NRXN3: variants seen among roughly 807,000 people sequenced by gnomAD.
The protein encoded by NRXN3 is neurexin III.
Under a neutral mutation model 137.6 loss-of-function variants are expected in NRXN3, and 32 were observed. That is an observed-to-expected ratio of 0.23 (90% CI 0.18 to 0.31). The LOEUF (loss-of-function observed/expected upper bound fraction) is 0.31, where lower values mean the gene tolerates loss of function less well. Ranked by LOEUF, NRXN3 falls within the 10% of genes least tolerant of loss-of-function variation. The pLI is 1.00. For synonymous variants in NRXN3, 798 were observed against 784.5 expected (o/e 1.02, Z -0.29); for missense variants, 1,574 against 2,062.5 (o/e 0.76, Z 4.59).
intron 20 of NRXN3, among the ~76,000 whole-genome samples, chr14:79,835,139 C>T (rs757397824): frequency 6.6e-6 from 1 of 152,096 alleles, no homozygotes; most frequent in African/African-American, 2.4e-5. Context: ...CAAATAATAA[C>T]ATCTTGTATT....
At chr14:79,701,941 A>G (rs2098756247) in intron 19 of NRXN3, among the ~76,000 whole-genome samples, 1 of 152,090 alleles carries the variant, frequency 6.6e-6, no homozygotes, top group Admixed American at 6.6e-5. Context: ...CGTTTTAACC[A>G]TTATTATTAT....
At chr14:79,243,388 G>A (rs148110439) in intron 15 of NRXN3, among the ~76,000 whole-genome samples, 1 of 152,164 alleles carries the variant, frequency 6.6e-6, no homozygotes, top group East Asian at 1.9e-4. Context: ...ACCTGAGCAG[G>A]GTATTAACTA....
chr14:79,645,034 C>A (rs991586901), intron 16 of NRXN3, among the ~76,000 whole-genome samples: 1 of 135,948 alleles, frequency 7.4e-6, no homozygotes, highest in Non-Finnish European at 1.7e-5. Flanking sequence ...TCATAGCATG[C>A]ACATTGGACC....
intron 15 of NRXN3, among the ~76,000 whole-genome samples, chr14:79,332,277 C>A (rs1035730706): frequency 6.6e-5 from 10 of 152,202 alleles, no homozygotes; most frequent in Admixed American, 3.3e-4. Flanking sequence ...AGGCTTCTAA[C>A]TGGTTTGCCT....
chr14:79,652,394 T>C (rs969761988), intron 16 of NRXN3, among the ~76,000 whole-genome samples: 6 of 137,644 alleles, frequency 4.4e-5, no homozygotes, highest in African/African-American at 2.2e-4. Context: ...CACTATAAAC[T>C]CATGGATAAT....
intron 15 of NRXN3, among the ~76,000 whole-genome samples, chr14:79,155,434 C>T (rs1007898465): frequency 2.6e-5 from 4 of 151,838 alleles, no homozygotes; most frequent in African/African-American, 4.8e-5. Context: ...ATCCCTGTGA[C>T]ATATGAATAC....
At chr14:78,759,731 TG>T (rs1174833256) in intron 8 of NRXN3, among the ~76,000 whole-genome samples, 1 of 152,246 alleles carries the variant, frequency 6.6e-6, no homozygotes, top group African/African-American at 2.4e-5. Flanking sequence ...AAAAAATTCC[TG>T]GCTGAGGTGT....
intron 4 of NRXN3, among the ~76,000 whole-genome samples, chr14:78,600,669 G>A (rs1203120744): frequency 6.6e-6 from 1 of 152,090 alleles, no homozygotes; most frequent in Non-Finnish European, 1.5e-5. Context: ...TAATGTTAAT[G>A]AGCCTCAACT....
intron 15 of NRXN3, among the ~76,000 whole-genome samples, chr14:79,186,229 C>T (rs577217166): frequency 7.1e-6 from 1 of 140,366 alleles, no homozygotes; most frequent in South Asian, 2.5e-4. Flanking sequence ...CCAAACAAAT[C>T]GTGACGTCAA....
intron 15 of NRXN3, among the ~76,000 whole-genome samples, chr14:79,441,631 C>T (rs1446632982): frequency 2.6e-5 from 4 of 151,856 alleles, no homozygotes; most frequent in African/African-American, 2.4e-5. Flanking sequence ...CTGCCCGCCG[C>T]GGCCTCCCAA....
chr14:78,576,328 A>C (rs1219653873), intron 4 of NRXN3, among the ~76,000 whole-genome samples: 1 of 152,136 alleles, frequency 6.6e-6, no homozygotes, highest in Non-Finnish European at 1.5e-5. Flanking sequence ...TTCATGAACA[A>C]CACCAGTGGT....
At chr14:78,993,407 T>A (rs1489146503) in intron 15 of NRXN3, among the ~76,000 whole-genome samples, 1 of 152,184 alleles carries the variant, frequency 6.6e-6, no homozygotes. Context: ...TATGAACCTA[T>A]GTTGTTCCAG....
chr14:78,943,803 T>C (rs2099359988), intron 10 of NRXN3, among the ~76,000 whole-genome samples: 1 of 150,914 alleles, frequency 6.6e-6, no homozygotes, highest in African/African-American at 2.4e-5. Context: ...AAGGAAGGGA[T>C]TTCATTTATT....
rs538434006 is a variant in NRXN3 at position 78,348,144 on chromosome 14, CTCTGTGTTTTCTCAGA to C, written c.757+50286_757+50301del. 1.3e-4 allele frequency among the ~76,000 whole-genome samples: 20 copies of C among 152,282 alleles called. No individual in the cohort carries two copies. The East Asian group carries it at 3.9e-3, about 29-fold the overall frequency. ...CTCATGTTTTTCACCACACCAGGTC[CTCTGTGTTTTCTCAGA>C]TACAGAACTATTCATTACCATCACC... On this transcript the variant is annotated intron_variant, in intron 4 of 20. Coordinates refer to ENST00000335750, the MANE Select transcript of NRXN3 (RefSeq NM_001330195.2).
intron 19 of NRXN3, among the ~76,000 whole-genome samples, chr14:79,700,440 C>G (rs1567935145): frequency 6.6e-6 from 1 of 152,064 alleles, no homozygotes; most frequent in African/African-American, 2.4e-5. Flanking sequence ...GTTCTGTCCT[C>G]TTTTGCTAAA....
At chr14:78,677,717 T>C (rs994532362) in intron 6 of NRXN3, among the ~76,000 whole-genome samples, 1 of 152,186 alleles carries the variant, frequency 6.6e-6, no homozygotes, top group African/African-American at 2.4e-5. Flanking sequence ...CAGCATTACA[T>C]GCTACAAAGA....
intron 16 of NRXN3, among the ~76,000 whole-genome samples, chr14:79,651,598 A>T (rs2098476450): frequency 6.6e-6 from 1 of 152,186 alleles, no homozygotes; most frequent in Non-Finnish European, 1.5e-5. Flanking sequence ...AACTGATGTT[A>T]TTATTGAATA....
chr14:78,778,743 T>C (rs374229805), intron 8 of NRXN3, among the ~76,000 whole-genome samples: 1 of 144,318 alleles, frequency 6.9e-6, no homozygotes, highest in African/African-American at 2.6e-5. Flanking sequence ...TCTCTCTTTC[T>C]TTCTTTCCTT....
intron 15 of NRXN3, among the ~76,000 whole-genome samples, chr14:79,047,145 A>G (rs1339158924): frequency 1.6e-5 from 2 of 122,080 alleles, no homozygotes; most frequent in Non-Finnish European, 3.2e-5. Flanking sequence ...CCCACCCCCG[A>G]AAAAAAAAAA....
Sources: allele counts gnomAD v4.1 joint callset (sites outside exome capture counted in the v4.1 genomes callset), GRCh38; gene constraint gnomAD v4.1.1; transcripts MANE v1.5; gene names NCBI Gene and HGNC (gene_info 2026-07-23, HGNC 2026-07-21).